Variants in MDGA1 observed in about 807,000 individuals in gnomAD.
The protein encoded by MDGA1 is MAM domain-containing glycosylphosphatidylinositol anchor protein 1.
A neutral mutation model predicts 101.5 loss-of-function variants in MDGA1; 54 were observed. The observed-to-expected ratio is 0.53, with a 90% CI of 0.43 to 0.67. The LOEUF (loss-of-function observed/expected upper bound fraction) is 0.67, where lower values mean the gene tolerates loss of function less well. Ranked by LOEUF, MDGA1 falls within the 30% of genes least tolerant of loss-of-function variation. The pLI is 0.00. For missense variants in MDGA1, 1,083 were observed against 1,323.8 expected (o/e 0.82, Z 2.82); for synonymous variants, 533 against 558.3 (o/e 0.95, Z 0.64).
rs1261124102 is a variant in MDGA1, at chr6:37,654,443, G to A, written c.813C>T (p.Pro271=). 6.2e-7 allele frequency: 1 copy of A among 1,614,018 alleles called. No homozygotes were observed. The highest frequency in any genetic ancestry group is 1.1e-5 in the South Asian group (1 of 91,082). The change falls in exon 6 of 17, where the codon CCC becomes CCT. Residue 271 remains proline, a synonymous_variant. Transcript: ENST00000434837. Reference sequence around the variant, plus strand: ...CAGGCCCATGGGACCACTGCAGCTGGGGGAGGGGATCACCGCCTGTCAGCA... The same window carrying A: ...CAGGCCCATGGGACCACTGCAGCTGAGGGAGGGGATCACCGCCTGTCAGCA... ...QCLLTGGDPL[P]QLQWSHGPGP... is the part of the protein sequence containing the mutation.
chr6:37,649,284 G>T lies in MDGA1; in HGVS notation c.1610-18C>A. The T allele has an allele frequency of 4.8e-6, 7 of 1,467,028 alleles. No individual in the cohort carries two copies. The highest frequency in any genetic ancestry group is 6.2e-6 in the Non-Finnish European group (7 of 1,120,328). 90.9% of individuals were successfully genotyped at this position (1,467,028 alleles called of 1,614,324 possible). On this transcript the variant is annotated intron_variant, in intron 8 of 16. Coordinates refer to ENST00000434837, the MANE Select transcript of MDGA1 (RefSeq NM_153487.4). ...CGGCGGGACTGGGGGCGGGAGCGGC[G>T]GTCAGCGGGGCCTCTCCCCAGCGAG...
chr6:37,679,397 G>C (rs1198281454), intron 1 of MDGA1, among the ~76,000 whole-genome samples: 1 of 152,122 alleles, frequency 6.6e-6, no homozygotes, highest in Non-Finnish European at 1.5e-5. Flanking sequence ...ATGGACAGTG[G>C]GTGGGTGGCA....
chr6:37,649,895 T>C, intron 8 of MDGA1: 1 of 726,392 alleles, frequency 1.4e-6, no homozygotes, highest in Non-Finnish European at 2.4e-6. Flanking sequence ...ACCGGGTCCC[T>C]GAAAATGAAG....
chr6:37,662,784 C>A (rs1451324925), intron 2 of MDGA1, among the ~76,000 whole-genome samples: 1 of 152,160 alleles, frequency 6.6e-6, no homozygotes, highest in Non-Finnish European at 1.5e-5. Flanking sequence ...CACATACACA[C>A]AGCCACAATC....
At chr6:37,651,767 G>A (rs1761366895) in intron 7 of MDGA1, among the ~76,000 whole-genome samples, 2 of 152,196 alleles carry the variant, frequency 1.3e-5, no homozygotes, top group Admixed American at 1.3e-4. Context: ...GAGACTATCT[G>A]AAACGTGTTT....
chr6:37,676,247 G>T (rs958862047), intron 1 of MDGA1, among the ~76,000 whole-genome samples: 1 of 152,238 alleles, frequency 6.6e-6, no homozygotes, highest in African/African-American at 2.4e-5. Flanking sequence ...GGGTAGGACC[G>T]GAGACACACT....
At chr6:37,678,577 C>A (rs1170666276) in intron 1 of MDGA1, among the ~76,000 whole-genome samples, 2 of 152,150 alleles carry the variant, frequency 1.3e-5, no homozygotes, top group Non-Finnish European at 2.9e-5. Context: ...CCCAGCCCCA[C>A]TTCCCATTCT....
chr6:37,649,339 C>T, intron 8 of MDGA1, 73 bp from the exon 9 acceptor site: 1 of 1,409,114 alleles, frequency 7.1e-7, no homozygotes, highest in Non-Finnish European at 9.2e-7. Flanking sequence ...CGTGGGGAGG[C>T]AACGCGCTCG....
rs1763899824 is a variant in MDGA1 at position 37,635,287 on chromosome 6, G to C, written c.*2081C>G. On this transcript the variant is annotated 3_prime_UTR_variant, in exon 17 of 17. Transcript: ENST00000434837. ...GGGCAATGGAGTGGTTTCCACACCA[G>C]GCTCACTTGTGCTGGGCACGAGCGG... 7.6e-6 allele frequency: 3 copies of C among 396,658 alleles called. No individual in the cohort carries two copies. The highest frequency in any genetic ancestry group is 1.3e-5 in the Non-Finnish European group (3 of 225,340). 24.6% of individuals were successfully genotyped at this position (396,658 alleles called of 1,614,324 possible).
chr6:37,666,191 C>CAAAAAAA (rs146449734), intron 1 of MDGA1, among the ~76,000 whole-genome samples: 3 of 122,258 alleles, frequency 2.5e-5, no homozygotes, highest in Admixed American at 8.2e-5. Context: ...ACTAAAAATA[C>CAAAAAAA]AAAAAAAAAA....
rs1763914803 is a variant in MDGA1, at chr6:37,635,739, AG to A, written c.*1628del. 3 of 398,716 alleles carry A rather than the reference AG, an allele frequency of 7.5e-6. No individual in the cohort carries two copies. Among genetic ancestry groups the A allele is most frequent in the Non-Finnish European group, 1.3e-5 (3 of 226,098 alleles). 24.7% of individuals were successfully genotyped at this position (398,716 alleles called of 1,614,324 possible). On this transcript the variant is annotated 3_prime_UTR_variant, in exon 17 of 17. Transcript: ENST00000434837. ...CTCACCAAAGGTGCTTGCATTCAAT[AG>A]GGTCATCTGTAAGCTCTCCGTCATC... is the stretch of plus-strand genomic sequence containing the variant.
intron 12 of MDGA1, among the ~76,000 whole-genome samples, chr6:37,645,317 T>C (rs1031327650): frequency 6.6e-6 from 1 of 152,196 alleles, no homozygotes; most frequent in African/African-American, 2.4e-5. Context: ...GTGGATCACC[T>C]GAGGTCAGGA....
intron 14 of MDGA1, chr6:37,643,423 C>G (rs759695401): frequency 5.6e-6 from 1 of 177,854 alleles, no homozygotes; most frequent in African/African-American, 2.4e-5. Flanking sequence ...CAGGCACCCA[C>G]GACCACACCC....
At chr6:37,673,423 C>T (rs1761912776) in intron 1 of MDGA1, among the ~76,000 whole-genome samples, 1 of 152,240 alleles carries the variant, frequency 6.6e-6, no homozygotes, top group Non-Finnish European at 1.5e-5. Flanking sequence ...TATTAACAGG[C>T]TTTTCTCTTT....
rs1761287291 is a variant in MDGA1 at position 37,649,023 on chromosome 6, G to C, written c.1853C>G (p.Ser618Cys). 1 of 1,551,224 alleles carries C rather than the reference G, an allele frequency of 6.4e-7. No individual in the cohort carries two copies. The highest frequency in any genetic ancestry group is 8.7e-7 in the Non-Finnish European group (1 of 1,148,828). Reference sequence around the variant, plus strand: ...GCAGGCAGCCGAGCCCACATCGTTGGAGACGCTGCACTCGTAGCTGCCGCT... The same window carrying C: ...GCAGGCAGCCGAGCCCACATCGTTGCAGACGCTGCACTCGTAGCTGCCGCT... ...DSSGSYECSV[S>C]NDVGSAACLF... Residue 618 changes from serine (S) to cysteine (C), a missense_variant, in exon 9 of 17, where the codon TCC becomes TGC. Ser to Cys is a moderately radical substitution (Grantham distance 112, BLOSUM62 -1). Coordinates refer to ENST00000434837, the MANE Select transcript of MDGA1 (RefSeq NM_153487.4).
chr6:37,657,614 C>T (rs1359604594), intron 3 of MDGA1, among the ~76,000 whole-genome samples: 2 of 152,202 alleles, frequency 1.3e-5, no homozygotes, highest in African/African-American at 2.4e-5. Flanking sequence ...TAGGTAGGTT[C>T]ATTATAAGCC....
rs1762436910 is a variant in MDGA1, at chr6:37,697,024, G to A, written c.-213C>T. The A allele has an allele frequency of 1.9e-6, 1 of 540,468 alleles. No homozygotes were observed. The highest frequency in any genetic ancestry group is 3.3e-6 in the Non-Finnish European group (1 of 306,208). 33.5% of individuals were successfully genotyped at this position (540,468 alleles called of 1,614,324 possible). ...GGCCGCTGCCCGCGTGGGGACGCAG[G>A]GGGCGCTGGCCCAGCCCCGGGTGCC... On this transcript the variant is annotated 5_prime_UTR_variant, in exon 1 of 17. Transcript: ENST00000434837.
At chr6:37,660,160 G>C in intron 2 of MDGA1, among the ~76,000 whole-genome samples, 1 of 147,188 alleles carries the variant, frequency 6.8e-6, no homozygotes, top group Non-Finnish European at 1.5e-5. Context: ...CTACAGGTGT[G>C]TGCCACCACA....
chr6:37,644,981 T>C (rs1761158498), intron 12 of MDGA1, among the ~76,000 whole-genome samples: 3 of 152,250 alleles, frequency 2.0e-5, no homozygotes, highest in Admixed American at 6.5e-5. Flanking sequence ...TTTCAATTTG[T>C]TATAAAATCA....
Sources: allele counts gnomAD v4.1 joint callset (sites outside exome capture counted in the v4.1 genomes callset), GRCh38; gene constraint gnomAD v4.1.1; transcripts MANE v1.5; gene names NCBI Gene and HGNC (gene_info 2026-07-23, HGNC 2026-07-21).